The following TRAPPC14 variants were observed in gnomAD, a reference collection of about 807,000 sequenced individuals.
TRAPPC14 encodes the protein microtubule associated protein 11.
A neutral mutation model predicts 56.6 loss-of-function variants in TRAPPC14; 24 were observed. The ratio of observed to expected loss-of-function variants is 0.42; its 90% CI spans 0.31 to 0.60. TRAPPC14 has a LOEUF of 0.60. TRAPPC14 is among the 20% of genes least tolerant of loss of function. The probability of loss-of-function intolerance (pLI) is 0.14; values close to 1 mark genes in which losing one functional copy is unlikely to be tolerated. For synonymous variants in TRAPPC14, 377 were observed against 347.0 expected, an observed-to-expected ratio of 1.09 and a Z score of -0.96; for missense variants, 615 against 790.3, an observed-to-expected ratio of 0.78 and a Z score of 2.66.
rs1249186716 is a variant in TRAPPC14 at position 100,158,158 on chromosome 7, A to G, written c.342T>C (p.Gly114=). The G allele has an allele frequency of 2.8e-6, 4 of 1,449,910 alleles. No individual in the cohort carries two copies. Among genetic ancestry groups the G allele is most frequent in the Non-Finnish European group, 3.6e-6 (4 of 1,109,294 alleles). The allele number at this position is 1,449,910 out of a possible 1,614,324, so 89.8% of individuals were successfully genotyped here. A position where few individuals can be genotyped will look rare whatever the true frequency, so the allele number is the denominator to read the frequency against. The stretch of plus-strand genomic sequence containing the variant: ...GAAGGGGGCTGCAGCCTCGGAACAA[A>G]CCCCCACCCCCAGGATCCCCTCCCC... ...PPGGGDPGGG[G]LFRGCSPLLT... The change falls in exon 1 of 11, where the codon GGT becomes GGC. Residue 114 remains glycine (G), a synonymous_variant. Coordinates refer to ENST00000316937, the MANE Select transcript of TRAPPC14 (RefSeq NM_018275.5).
At chr7:100,157,267 C>A in intron 4 of TRAPPC14, 53 bp from the exon 5 acceptor site, 1 of 1,613,654 alleles carries the variant, frequency 6.2e-7, no homozygotes, top group Non-Finnish European at 8.5e-7. Context: ...CAGGCCCCAC[C>A]TTTACCCAGA....
rs764710820 is a variant in TRAPPC14, at chr7:100,155,824, T to C, written c.1242A>G (p.Gly414=). 1.2e-6 allele frequency: 2 copies of C among 1,614,076 alleles called. No homozygotes were observed. Among genetic ancestry groups the C allele is most frequent in the South Asian group, 1.1e-5 (1 of 91,092 alleles). ...LVWTPEHAQA[G]KQLCEEERRA... ...GGCGCTCCTCCTCACACAGCTGCTT[T>C]CCTGGGGGCAGAAACAGGGACCAGC... The change falls in exon 9 of 11, where the codon GGA becomes GGG. Residue 414 remains glycine, a splice_region_variant and synonymous_variant. Transcript: ENST00000316937.
At position 100,156,413 on chromosome 7, in the gene TRAPPC14, C is replaced by A. The variant is rs201639216; in HGVS notation, c.1213G>T (p.Val405Leu). The A allele has an allele frequency of 6.2e-7, 1 of 1,614,044 alleles. No homozygotes were observed. ...GCCTGTGCATGCTCTGGGGTCCACACGAGCCTCACAGCAAGGAAGTCTTGG... is the reference window on the plus strand; with the variant it reads ...GCCTGTGCATGCTCTGGGGTCCACAAGAGCCTCACAGCAAGGAAGTCTTGG... ...NLQDFLAVRL[V>L]WTPEHAQAGK... Residue 405 changes from valine (V) to leucine (L), a missense_variant, in exon 8 of 11, where the codon GTG (valine) becomes TTG (leucine). By Grantham distance (32) the Val-to-Leu change is conservative. Transcript: ENST00000316937.
At chr7:100,156,771 T>A in intron 6 of TRAPPC14, 55 bp from the exon 7 acceptor site, 2 of 1,601,058 alleles carry the variant, frequency 1.2e-6, no homozygotes, top group African/African-American at 2.7e-5. Flanking sequence ...CCTCCCATCT[T>A]GAGTCAGCTG....
intron 10 of TRAPPC14, 37 bp from the exon 11 acceptor site, chr7:100,155,201 CCGGCACCCTCGCT>C: frequency 6.2e-7 from 1 of 1,607,078 alleles, no homozygotes; most frequent in African/African-American, 1.3e-5. Context: ...CTGGTCAGAC[CCGGCACCCTCGCT>C]GCTCCCATCC....
rs570001890 is a variant in TRAPPC14 at position 100,156,797 on chromosome 7, C to A, written c.993+48G>T. The A allele has an allele frequency of 5.2e-4, 841 of 1,606,782 alleles. 8 individuals carry two copies. In the South Asian group the frequency reaches 8.6e-3, roughly 16 times the overall value. Reference sequence around the variant, plus strand: ...GAGTCAGCTGCCTGGTCTTTCCCTCCCACTGCCTTATCACTTTTCTTTGAA... The same window carrying A: ...GAGTCAGCTGCCTGGTCTTTCCCTCACACTGCCTTATCACTTTTCTTTGAA... On this transcript the variant is annotated intron_variant, in intron 6 of 10. Coordinates refer to ENST00000316937, the MANE Select transcript of TRAPPC14 (RefSeq NM_018275.5).
rs1198731779 is a variant in TRAPPC14 at position 100,155,422 on chromosome 7, T to C, written c.1429A>G (p.Thr477Ala). Residue 477 changes from threonine (T) to alanine (A), a missense_variant, in exon 10 of 11, where the codon ACC becomes GCC. Coordinates refer to ENST00000316937, the MANE Select transcript of TRAPPC14 (RefSeq NM_018275.5). ...SQHMKLKLQF[T>A]ASVSHPPPEA... ...GGTGGAGGGTGGGACACGCTGGCGG[T>C]GAACTGCAGCTTCAGTTTCATGTGC... 6.5e-7 allele frequency: 1 copy of C among 1,531,936 alleles called. No individual in the cohort carries two copies. Among genetic ancestry groups the C allele is most frequent in the Non-Finnish European group, 8.8e-7 (1 of 1,137,040 alleles). 94.9% of individuals were successfully genotyped at this position (1,531,936 alleles called of 1,614,324 possible). A position where few individuals can be genotyped will look rare whatever the true frequency, so the allele number is the denominator to read the frequency against.
At position 100,155,035 on chromosome 7, in the gene TRAPPC14, G is replaced by A. The variant is rs755151746; in HGVS notation, c.1719C>T (p.Val573=). The A allele has an allele frequency of 4.3e-6, 7 of 1,614,022 alleles. No individual in the cohort carries two copies. Among genetic ancestry groups the A allele is most frequent in the African/African-American group, 1.3e-5 (1 of 74,902 alleles). ...LDKIAKRECK[V]LVVEPVK ...GCTACTTGACGGGTTCCACCACCAG[G>A]ACCTTGCACTCGCGCTTGGCAATCT... is the stretch of plus-strand genomic sequence containing the variant. Residue 573 remains valine, a synonymous_variant, in exon 11 of 11, where the codon GTC becomes GTT. Coordinates refer to ENST00000316937, the MANE Select transcript of TRAPPC14 (RefSeq NM_018275.5).
Position 100,158,577 on chromosome 7 carries a change from G to A in TRAPPC14, c.-78C>T. On this transcript the variant is annotated 5_prime_UTR_variant, in exon 1 of 11. Transcript: ENST00000316937. ...CGGGGCCCGCTAGGGTGGGTCCAGA[G>A]GGTCCCGACACCTCCGGCTGCTGCG... 1 of 1,258,704 alleles carries A rather than the reference G, an allele frequency of 7.9e-7. No individual in the cohort carries two copies. The highest frequency in any genetic ancestry group is 3.2e-5 in the East Asian group (1 of 31,584). 78.0% of individuals were successfully genotyped at this position (1,258,704 alleles called of 1,614,324 possible). A position where few individuals can be genotyped will look rare whatever the true frequency, so the allele number is the denominator to read the frequency against.
rs1374430797 is a variant in TRAPPC14, at chr7:100,154,822, C to G, written c.*189G>C. 6 of 628,982 alleles carry G rather than the reference C, an allele frequency of 9.5e-6. No individual in the cohort carries two copies. 39.0% of individuals were successfully genotyped at this position (628,982 alleles called of 1,614,324 possible). ...CTCGGGGAATACTGGTGGCTTAGTC[C>G]CAGCCATGCCCGCCCACTTCACAGC... On this transcript the variant is annotated 3_prime_UTR_variant, in exon 11 of 11. Coordinates refer to ENST00000316937, the MANE Select transcript of TRAPPC14 (RefSeq NM_018275.5).
In TRAPPC14 at chr7:100,158,223, C is replaced by G. The variant is rs1265294615; in HGVS notation, c.277G>C (p.Gly93Arg). Residue 93 changes from glycine to arginine, a missense_variant, in exon 1 of 11, where the codon GGG (glycine) becomes CGG (arginine). By Grantham distance (125) the Gly-to-Arg change is moderately radical (BLOSUM62 -2). Transcript: ENST00000316937. ...TCCTGGTCGCCGGCGCCGCCGCCCC[C>G]CGGCATCCCGCCTCCGGCGCTGACC... Reference protein sequence around the residue: ...ASVSAGGGMPGGGGAGDQDSE... With the variant: ...ASVSAGGGMPRGGGAGDQDSE... The G allele has an allele frequency of 2.7e-6, 4 of 1,470,352 alleles. No individual in the cohort carries two copies. Among genetic ancestry groups the G allele is most frequent in the Non-Finnish European group, 3.6e-6 (4 of 1,118,500 alleles). The allele number at this position is 1,470,352 out of a possible 1,614,324, so 91.1% of individuals were successfully genotyped here.
rs1278496920 is a variant in TRAPPC14, at chr7:100,156,965, G to T, written c.873C>A (p.Gly291=). The change falls in exon 6 of 11, where the codon GGC becomes GGA. Residue 291 remains glycine, a synonymous_variant. Transcript: ENST00000316937. ...VCHQSGEVSM[G]SFCRLPGTSG... ...AGGTCCCGGGTAGGCGGCAGAAGGA[G>T]CCCATGGAGACTTCCCCAGACTGGT... 1 of 1,614,026 alleles carries T rather than the reference G, an allele frequency of 6.2e-7. No individual in the cohort carries two copies.
At chr7:100,156,001 T>TC in intron 8 of TRAPPC14, 176 bp from the exon 9 acceptor site, 2 of 841,600 alleles carry the variant, frequency 2.4e-6, no homozygotes, top group East Asian at 4.9e-5. Flanking sequence ...GCAAGGCACG[T>TC]CACGTATATT....
rs192880220 is a variant in TRAPPC14 at position 100,156,947 on chromosome 7, G to C, written c.891C>G (p.Pro297=). The part of the protein sequence containing the change: ...EVSMGSFCRL[P]GTSGCFPCPL... ...GGCAGGGGAAGCAGCCAGAGGTCCC[G>C]GGTAGGCGGCAGAAGGAGCCCATGG... Residue 297 remains proline, a synonymous_variant, in exon 6 of 11, where the codon CCC becomes CCG. Transcript: ENST00000316937. The C allele has an allele frequency of 5.4e-5, 87 of 1,613,918 alleles. No homozygotes were observed. The highest frequency in any genetic ancestry group is 2.1e-4 in the African/African-American group (16 of 74,908).
In TRAPPC14 at chr7:100,154,905, A is replaced by ACC; in HGVS notation, c.*104_*105dup. 8.9e-7 allele frequency: 1 copy of ACC among 1,125,806 alleles called. No homozygotes were observed. Among genetic ancestry groups the ACC allele is most frequent in the South Asian group, 1.3e-5 (1 of 76,926 alleles). The allele number at this position is 1,125,806 out of a possible 1,614,324, so 69.7% of individuals were successfully genotyped here. On this transcript the variant is annotated 3_prime_UTR_variant, in exon 11 of 11. Transcript: ENST00000316937. The stretch of plus-strand genomic sequence containing the variant: ...ACAGGCAGCTCTGCCAGGCCTCTTC[A>ACC]CCCCCGTCTGGGAGGCATCCCAGGG...
rs775759969 is a variant in TRAPPC14 at position 100,156,942 on chromosome 7, G to T, written c.896C>A (p.Thr299Asn). Residue 299 changes from threonine (T) to asparagine (N), a missense_variant, in exon 6 of 11, where the codon ACC becomes AAC. Coordinates refer to ENST00000316937, the MANE Select transcript of TRAPPC14 (RefSeq NM_018275.5). ...SMGSFCRLPG[T>N]SGCFPCPLNA... ...CAGCGGGCAGGGGAAGCAGCCAGAG[G>T]TCCCGGGTAGGCGGCAGAAGGAGCC... 3 of 1,613,924 alleles carry T rather than the reference G, an allele frequency of 1.9e-6. No homozygotes were observed. The highest frequency in any genetic ancestry group is 1.7e-5 in the Admixed American group (1 of 59,986).
In TRAPPC14 at chr7:100,156,401, C is replaced by G; in HGVS notation, c.1225G>C (p.Glu409Gln). ...GCTGACCTACCAGCCTGTGCATGCT[C>G]TGGGGTCCACACGAGCCTCACAGCA... ...FLAVRLVWTP[E>Q]HAQAGKQLCE... is the part of the protein sequence containing the mutation. Residue 409 changes from glutamate (E) to glutamine (Q), a missense_variant, in exon 8 of 11, where the codon GAG (glutamate) becomes CAG (glutamine). By Grantham distance (29) the Glu-to-Gln change is conservative. Transcript: ENST00000316937. The G allele has an allele frequency of 6.2e-7, 1 of 1,614,152 alleles. No homozygotes were observed. Among genetic ancestry groups the G allele is most frequent in the Non-Finnish European group, 8.5e-7 (1 of 1,180,006 alleles).
Position 100,158,412 on chromosome 7 carries a change from G to T in TRAPPC14, c.88C>A (p.Arg30=). The T allele has an allele frequency of 6.9e-7, 1 of 1,447,938 alleles. No individual in the cohort carries two copies. 89.7% of individuals were successfully genotyped at this position (1,447,938 alleles called of 1,614,324 possible). A position where few individuals can be genotyped will look rare whatever the true frequency, so the allele number is the denominator to read the frequency against. ...AELAGDPGRY[R]ALPRRNHLYL... ...AGATGGTTGCGCCGGGGCAGCGCCC[G>T]GTACCGGCCCGGATCCCCTGCCAGC... Residue 30 remains arginine (R), a synonymous_variant, in exon 1 of 11, where the codon CGG becomes AGG. Coordinates refer to ENST00000316937, the MANE Select transcript of TRAPPC14 (RefSeq NM_018275.5).
chr7:100,157,706 G>A lies in TRAPPC14; in HGVS notation c.564C>T (p.Gly188=). 2 of 1,614,238 alleles carry A rather than the reference G, an allele frequency of 1.2e-6. No individual in the cohort carries two copies. The highest frequency in any genetic ancestry group is 1.7e-6 in the Non-Finnish European group (2 of 1,180,036). ...ATCGGGTCTGCAGCAATCGCAGGTAGCCTTGATCTCTGACCTCTGGTGCCT... is the reference window on the plus strand; with the variant it reads ...ATCGGGTCTGCAGCAATCGCAGGTAACCTTGATCTCTGACCTCTGGTGCCT... ...EIEAPEVRDQ[G]YLRLLQTRSP... Residue 188 remains glycine (G), a synonymous_variant, in exon 3 of 11, where the codon GGC becomes GGT. Transcript: ENST00000316937.
Sources: gnomAD v4.1 joint callset for allele counts on GRCh38, gnomAD v4.1.1 for gene constraint, MANE v1.5 for transcripts, NCBI Gene and HGNC (gene_info 2026-07-23, HGNC 2026-07-21) for gene names.